The following POU2F1 variants were observed in gnomAD, a reference collection of about 807,000 sequenced individuals.
POU2F1 encodes POU domain, class 2, transcription factor 1.
A neutral mutation model predicts 84.9 loss-of-function variants in POU2F1; 16 were observed. The ratio of observed to expected loss-of-function variants is 0.19; its 90% CI spans 0.13 to 0.29. The LOEUF is 0.29. POU2F1 is among the 10% of genes least tolerant of loss of function. The probability of loss-of-function intolerance (pLI) is 1.00; values close to 1 mark genes in which losing one functional copy is unlikely to be tolerated. For missense variants in POU2F1, 738 were observed against 942.6 expected (o/e 0.78, Z 2.84); for synonymous variants, 368 against 368.3 (o/e 1.00, Z 0.01).
chr1:167,410,302 G>T (rs1649863418), intron 13 of POU2F1, among the ~76,000 whole-genome samples: 8 of 152,190 alleles, frequency 5.3e-5, no homozygotes, highest in Admixed American at 4.6e-4. Flanking sequence ...TGAAATAAAT[G>T]ATGTCTGAGT....
intron 1 of POU2F1, among the ~76,000 whole-genome samples, chr1:167,292,810 A>G (rs575240974): frequency 6.6e-6 from 1 of 152,350 alleles, no homozygotes; most frequent in Non-Finnish European, 1.5e-5. Flanking sequence ...ATCCACCATG[A>G]TCAAGTAGGT....
intron 1 of POU2F1, among the ~76,000 whole-genome samples, chr1:167,249,300 ACTC>A (rs1250811446): frequency 6.6e-6 from 1 of 151,256 alleles, no homozygotes; most frequent in East Asian, 1.9e-4. Flanking sequence ...TTCTTTGTAA[ACTC>A]CTCTAAACTC....
chr1:167,317,630 C>T (rs34756166), intron 1 of POU2F1, among the ~76,000 whole-genome samples: 15,323 of 152,252 alleles, frequency 0.1, 1,963 homozygotes, highest in African/African-American at 0.3. Flanking sequence ...GTCCTTAAGG[C>T]ACAGATTGCT....
chr1:167,402,330 A>G (rs1649271917), intron 13 of POU2F1, among the ~76,000 whole-genome samples: 1 of 152,102 alleles, frequency 6.6e-6, no homozygotes, highest in East Asian at 1.9e-4. Context: ...AGAGGTAGGG[A>G]CTTTTATTTT....
chr1:167,425,105 C>T lies in POU2F1; in HGVS notation c.*9295C>T, dbSNP rs1415359588. On this transcript the variant is annotated 3_prime_UTR_variant, in exon 16 of 16. Coordinates refer to ENST00000367866, the MANE Select transcript of POU2F1 (RefSeq NM_002697.4). ...CAATGGGCTCTCTAGAAGCTGCATC[C>T]CCAGCCCTTTCACCTTTTCTTTGAA... 1 of 151,876 alleles carries T rather than the reference C, an allele frequency of 6.6e-6. No homozygotes were observed. Among genetic ancestry groups the T allele is most frequent in the East Asian group, 1.9e-4 (1 of 5,184 alleles). 9.4% of individuals were successfully genotyped at this position (151,876 alleles called of 1,614,324 possible).
intron 1 of POU2F1, among the ~76,000 whole-genome samples, chr1:167,260,768 C>T (rs1651505487): frequency 6.6e-6 from 1 of 152,012 alleles, no homozygotes; most frequent in Non-Finnish European, 1.5e-5. Flanking sequence ...TATGTTATTG[C>T]CTGAGTAGTC....
intron 9 of POU2F1, among the ~76,000 whole-genome samples, chr1:167,395,917 A>G (rs1648776235): frequency 6.6e-6 from 1 of 152,238 alleles, no homozygotes; most frequent in Non-Finnish European, 1.5e-5. Context: ...AGATAAATAC[A>G]TTTTTAAAAA....
At chr1:167,377,660 A>C (rs1660421450) in intron 7 of POU2F1, among the ~76,000 whole-genome samples, 1 of 152,046 alleles carries the variant, frequency 6.6e-6, no homozygotes, top group African/African-American at 2.4e-5. Flanking sequence ...CCTCCCAATT[A>C]CTTTTTTTCT....
At chr1:167,328,019 C>T (rs914396937) in intron 1 of POU2F1, among the ~76,000 whole-genome samples, 1 of 152,060 alleles carries the variant, frequency 6.6e-6, no homozygotes, top group South Asian at 2.1e-4. Flanking sequence ...GGGTTGATGA[C>T]TTACCTTGTA....
rs1185715670 is a variant in POU2F1 at position 167,423,378 on chromosome 1, T to G, written c.*7568T>G. ...TTGCAGAACTTCATGAAAGCTTTACTAATAATCTTATTGTTCTGACATTAT... is the reference window on the plus strand; with the variant it reads ...TTGCAGAACTTCATGAAAGCTTTACGAATAATCTTATTGTTCTGACATTAT... On this transcript the variant is annotated 3_prime_UTR_variant, in exon 16 of 16. Transcript: ENST00000367866. The G allele has an allele frequency of 2.6e-5, 4 of 152,250 alleles. No homozygotes were observed. Among genetic ancestry groups the G allele is most frequent in the African/African-American group, 9.6e-5 (4 of 41,470 alleles). The allele number at this position is 152,250 out of a possible 1,614,324, so 9.4% of individuals were successfully genotyped here.
At chr1:167,399,967 T>G (rs1649082295) in intron 12 of POU2F1, among the ~76,000 whole-genome samples, 3 of 75,902 alleles carry the variant, frequency 4.0e-5, no homozygotes, top group Admixed American at 1.8e-4. Flanking sequence ...CCATTCCCAG[T>G]CTTTTTTTTT....
At chr1:167,372,446 T>C (rs954270337) in intron 5 of POU2F1, among the ~76,000 whole-genome samples, 2 of 152,346 alleles carry the variant, frequency 1.3e-5, no homozygotes, top group Admixed American at 6.5e-5. Context: ...CATTTTTCTT[T>C]AAGTTACTGT....
chr1:167,310,188 AG>A (rs1393813685), intron 1 of POU2F1, among the ~76,000 whole-genome samples: 2 of 152,236 alleles, frequency 1.3e-5, no homozygotes, highest in East Asian at 3.9e-4. Context: ...ACTGTTAGAG[AG>A]GGGAAGAAAG....
chr1:167,358,328 T>G (rs112273390), intron 2 of POU2F1, among the ~76,000 whole-genome samples: 5 of 152,070 alleles, frequency 3.3e-5, no homozygotes, highest in African/African-American at 1.2e-4. Context: ...TTTTCATATA[T>G]GTTTATGAAT....
At chr1:167,239,171 A>C (rs35963254) in intron 1 of POU2F1, among the ~76,000 whole-genome samples, 2,293 of 152,296 alleles carry the variant, frequency 0.015, 24 homozygotes, top group South Asian at 0.039. Context: ...CATTTAACCT[A>C]GTGTTCTTTT....
chr1:167,285,117 T>C (rs538436340), intron 1 of POU2F1, among the ~76,000 whole-genome samples: 1 of 152,362 alleles, frequency 6.6e-6, no homozygotes, highest in Non-Finnish European at 1.5e-5. Context: ...CTGCCACTTG[T>C]ATAGCATTTG....
chr1:167,336,314 G>T (rs1176931522), intron 2 of POU2F1, among the ~76,000 whole-genome samples: 1 of 152,168 alleles, frequency 6.6e-6, no homozygotes, highest in Non-Finnish European at 1.5e-5. Flanking sequence ...CTCAAGTATT[G>T]TGAGTATCCA....
rs903130839 is a variant in POU2F1, at chr1:167,329,015, A to C, written c.62-3455A>C. The C allele has an allele frequency of 2.8e-6, 3 of 1,088,734 alleles. No homozygotes were observed. In the Admixed American group the frequency reaches 1.6e-4, roughly 56 times the overall value. 67.4% of individuals were successfully genotyped at this position (1,088,734 alleles called of 1,614,324 possible). ...TTTTCATGCTTCAGTTGCCTTGACA[A>C]TGTCAGTCCTAGCTGGTAGGAGAGA... On this transcript the variant is annotated intron_variant, in intron 1 of 15. Coordinates refer to ENST00000367866, the MANE Select transcript of POU2F1 (RefSeq NM_002697.4).
chr1:167,228,027 A>T (rs1373535242), intron 1 of POU2F1, among the ~76,000 whole-genome samples: 4 of 152,220 alleles, frequency 2.6e-5, no homozygotes, highest in Non-Finnish European at 5.9e-5. Context: ...CCCACCTCCC[A>T]GTCTCTCCTC....
Sources: gnomAD v4.1 joint callset for allele counts (sites outside exome capture counted in the v4.1 genomes callset) on GRCh38, gnomAD v4.1.1 for gene constraint, MANE v1.5 for transcripts, NCBI Gene and HGNC (gene_info 2026-07-23, HGNC 2026-07-21) for gene names.